PPP2R1B: variants seen among roughly 807,000 people sequenced by gnomAD.
The protein encoded by PPP2R1B is serine/threonine-protein phosphatase 2A 65 kDa regulatory subunit A beta isoform.
In PPP2R1B, 58 loss-of-function variants were observed where a neutral mutation model predicts 72.7. The ratio of observed to expected loss-of-function variants is 0.80; its 90% CI spans 0.65 to 0.99. The LOEUF (loss-of-function observed/expected upper bound fraction) is 0.99, where lower values mean the gene tolerates loss of function less well. Among genes scored for constraint, PPP2R1B ranks in the 50% least tolerant of loss-of-function variants. PPP2R1B has a pLI of 0.00. For synonymous variants in PPP2R1B, 256 were observed against 264.6 expected (o/e 0.97, Z 0.32); for missense variants, 695 against 733.6 (o/e 0.95, Z 0.61).
At chr11:111,751,230 C>G (rs548065662) in intron 10 of PPP2R1B, among the ~76,000 whole-genome samples, 8 of 152,280 alleles carry the variant, frequency 5.3e-5, no homozygotes, top group Non-Finnish European at 4.4e-5. Context: ...GCTTAGAATA[C>G]AAGGCAAACA....
chr11:111,709,354 A>G, the PPP2R1B span, among the ~76,000 whole-genome samples: 3 of 152,224 alleles, frequency 2.0e-5, no homozygotes, highest in Non-Finnish European at 4.4e-5. Context: ...ATATAGCCAC[A>G]TTAGTGGTGA....
chr11:111,753,364 T>C, intron 9 of PPP2R1B, 79 bp downstream of exon 9: 1 of 1,500,826 alleles, frequency 6.7e-7, no homozygotes, highest in Non-Finnish European at 9.0e-7. Flanking sequence ...TTGGGGGTTC[T>C]ATTTTAATGA....
chr11:111,723,503 C>G, downstream of PPP2R1B: 2 of 1,599,148 alleles, frequency 1.3e-6, no homozygotes, highest in Non-Finnish European at 1.7e-6. Flanking sequence ...TAGGCTCCAG[C>G]AGAAGCGACT....
At chr11:111,720,986 A>C in the PPP2R1B span, 1 of 1,614,210 alleles carries the variant, frequency 6.2e-7, no homozygotes. Flanking sequence ...TTGTATGAAC[A>C]AATAGGACCG....
Position 111,741,417 on chromosome 11 carries a change from A to C in PPP2R1B, c.*179T>G. ...TGATTTAACAAGGAAGACGAGTAAAAAACAATCCCATTTCATCTTTAGAAA... is the reference window on the plus strand; with the variant it reads ...TGATTTAACAAGGAAGACGAGTAAACAACAATCCCATTTCATCTTTAGAAA... On this transcript the variant is annotated 3_prime_UTR_variant, in exon 15 of 15. Coordinates refer to ENST00000527614, the MANE Select transcript of PPP2R1B (RefSeq NM_002716.5). 1 of 1,414,632 alleles carries C rather than the reference A, an allele frequency of 7.1e-7. No individual in the cohort carries two copies. 87.6% of individuals were successfully genotyped at this position (1,414,632 alleles called of 1,614,324 possible).
rs980280243 is a variant in PPP2R1B at position 111,740,191 on chromosome 11, G to C, written c.*1405C>G. 39 of 985,224 alleles carry C rather than the reference G, an allele frequency of 4.0e-5. No homozygotes were observed. Among genetic ancestry groups the C allele is most frequent in the Middle Eastern group, 1.0e-3 (2 of 1,934 alleles). 61.0% of individuals were successfully genotyped at this position (985,224 alleles called of 1,614,324 possible). ...GAAAACCCCCTTAACCAAAAGTCAT[G>C]AGACAAGGTGAGTTTGATTATGTGA... On this transcript the variant is annotated 3_prime_UTR_variant, in exon 15 of 15. Coordinates refer to ENST00000527614, the MANE Select transcript of PPP2R1B (RefSeq NM_002716.5).
At chr11:111,750,783 G>A (rs1351593773) in intron 10 of PPP2R1B, among the ~76,000 whole-genome samples, 4 of 151,848 alleles carry the variant, frequency 2.6e-5, no homozygotes, top group Non-Finnish European at 5.9e-5. Context: ...CAGATAATGT[G>A]ATAATGTGGA....
At chr11:111,758,117 C>T (rs782610118) in intron 5 of PPP2R1B, among the ~76,000 whole-genome samples, 1 of 152,174 alleles carries the variant, frequency 6.6e-6, no homozygotes, top group Non-Finnish European at 1.5e-5. Context: ...GGCTGGTACA[C>T]GTTATTTACA....
At chr11:111,764,522 C>T (rs184799734) in intron 3 of PPP2R1B, among the ~76,000 whole-genome samples, 13 of 152,056 alleles carry the variant, frequency 8.5e-5, no homozygotes, top group African/African-American at 3.1e-4. Context: ...CACCATCGCG[C>T]GGGGGAACCA....
chr11:111,701,584 C>T, the PPP2R1B span: 1 of 1,613,150 alleles, frequency 6.2e-7, no homozygotes, highest in African/African-American at 1.3e-5. This position sits in a 1 kb window ranked among gnomAD's most constrained non-coding sequence, Gnocchi z 4.2. Flanking sequence ...AGGTAATCAA[C>T]TTTTCATCTT....
chr11:111,721,871 T>C, the PPP2R1B span: 14 of 1,612,974 alleles, frequency 8.7e-6, no homozygotes, highest in Non-Finnish European at 1.1e-5. Flanking sequence ...CCACTCTCCC[T>C]GCCAGCGTGC....
the PPP2R1B span, among the ~76,000 whole-genome samples, chr11:111,697,013 C>T: frequency 6.6e-6 from 1 of 152,104 alleles, no homozygotes; most frequent in East Asian, 1.9e-4. Context: ...TCTTTTGCTG[C>T]CACTTTTTAA....
At position 111,738,971 on chromosome 11, in the gene PPP2R1B, A is replaced by G; in HGVS notation, c.*2625T>C. The G allele has an allele frequency of 1.0e-6, 1 of 985,024 alleles. No individual in the cohort carries two copies. The highest frequency in any genetic ancestry group is 1.2e-6 in the Non-Finnish European group (1 of 830,098). 61.0% of individuals were successfully genotyped at this position (985,024 alleles called of 1,614,324 possible). On this transcript the variant is annotated 3_prime_UTR_variant, in exon 15 of 15. Coordinates refer to ENST00000527614, the MANE Select transcript of PPP2R1B (RefSeq NM_002716.5). ...AACAAACAACTGATGTAAGCTGCCAAGGATGAAAAACAACATTACATGTCT... is the reference window on the plus strand; with the variant it reads ...AACAAACAACTGATGTAAGCTGCCAGGGATGAAAAACAACATTACATGTCT...
chr11:111,742,942 C>T lies in PPP2R1B; in HGVS notation c.1555-277G>A, dbSNP rs113918659. On this transcript the variant is annotated intron_variant, in intron 12 of 14. Coordinates refer to ENST00000527614, the MANE Select transcript of PPP2R1B (RefSeq NM_002716.5). ...TCGCCCAAGCTGGAGTGTAGTGGCG[C>T]GATCTCAGCTCACTGCAACCTCTGC... Among the ~76,000 whole-genome samples, 1,321 of 151,320 alleles carry T rather than the reference C, an allele frequency of 8.7e-3. 33 individuals carry two copies. The highest frequency in any genetic ancestry group is 0.03 in the African/African-American group (1,256 of 41,262).
intron 4 of PPP2R1B, 63 bp from the exon 5 acceptor site, chr11:111,760,014 A>T: frequency 6.6e-7 from 1 of 1,506,042 alleles, no homozygotes; most frequent in Non-Finnish European, 9.1e-7. Context: ...TGCCCCCCAT[A>T]CACACAGACA....
chr11:111,728,841 G>C (rs566125569), intron 15 of PPP2R1B: 5 of 151,446 alleles, frequency 3.3e-5, no homozygotes, highest in African/African-American at 1.2e-4. Flanking sequence ...GGAGAATGGC[G>C]TGAACCCGGG....
intron 5 of PPP2R1B, among the ~76,000 whole-genome samples, chr11:111,757,473 G>A (rs369400856): frequency 2.0e-5 from 3 of 152,118 alleles, no homozygotes; most frequent in African/African-American, 7.2e-5. Context: ...TTTGAATTTC[G>A]AAAATGATGC....
At chr11:111,754,696 C>A in intron 7 of PPP2R1B, 127 bp from the exon 8 acceptor site, 1 of 1,425,904 alleles carries the variant, frequency 7.0e-7, no homozygotes, top group Non-Finnish European at 9.2e-7. Flanking sequence ...AGGAAAACAG[C>A]TCTTGTTCTA....
At chr11:111,731,412 C>T (rs1245640588) in intron 15 of PPP2R1B, among the ~76,000 whole-genome samples, 7 of 152,228 alleles carry the variant, frequency 4.6e-5, no homozygotes, top group Admixed American at 3.9e-4. Flanking sequence ...CTCACATGGG[C>T]GGGGCACCCT....
Sources: gnomAD v4.1 joint callset for allele counts (sites outside exome capture counted in the v4.1 genomes callset) on GRCh38, gnomAD v4.1.1 for gene constraint, Gnocchi (gnomAD v3.1) non-coding constraint, MANE v1.5 for transcripts, NCBI Gene and HGNC (gene_info 2026-07-23, HGNC 2026-07-21) for gene names.